ADAMTS2: variants seen among roughly 807,000 people sequenced by gnomAD.
The protein encoded by ADAMTS2 is ADAM metallopeptidase with thrombospondin type 1 motif 2.
Under a neutral mutation model 123.0 loss-of-function variants are expected in ADAMTS2, and 50 were observed. That is an observed-to-expected ratio of 0.41 (90% CI 0.32 to 0.51). The LOEUF (loss-of-function observed/expected upper bound fraction) is 0.51. Ranked by LOEUF, ADAMTS2 falls within the 20% of genes least tolerant of loss-of-function variation. ADAMTS2 has a pLI of 0.35. For synonymous variants in ADAMTS2, 678 were observed against 695.4 expected, an observed-to-expected ratio of 0.98 and a Z score of 0.39; for missense variants, 1,494 against 1,705.2, an observed-to-expected ratio of 0.88 and a Z score of 2.18.
intron 13 of ADAMTS2, 108 bp from the exon 14 acceptor site, chr5:179,133,008 C>T (rs1581143474): frequency 6.9e-7 from 1 of 1,446,516 alleles, no homozygotes; most frequent in East Asian, 2.5e-5. Context: ...ATCCTCCTGC[C>T]TTGGCCTCCC....
At chr5:179,289,077 GC>G (rs1257060768) in intron 2 of ADAMTS2, among the ~76,000 whole-genome samples, 1 of 152,126 alleles carries the variant, frequency 6.6e-6, no homozygotes, top group South Asian at 2.1e-4. Flanking sequence ...GCAGGCTGCA[GC>G]CCCCCAGCTG....
At chr5:179,223,364 A>G (rs1765175653) in intron 3 of ADAMTS2, among the ~76,000 whole-genome samples, 1 of 122,928 alleles carries the variant, frequency 8.1e-6, no homozygotes, top group Non-Finnish European at 1.8e-5. Flanking sequence ...GCACTCAGAC[A>G]CTCACAAACA....
chr5:179,197,971 G>A lies in ADAMTS2; in HGVS notation c.891+9542C>T, dbSNP rs1254897346. On this transcript the variant is annotated intron_variant, in intron 4 of 21. Transcript: ENST00000251582. This position sits in a 1 kb window ranked among gnomAD's most constrained non-coding sequence, Gnocchi z 4.2. ...TTTGTGAGCAGAGACTAGCCCAGGC[G>A]CTGGCAGAGCAAGTTTTTGAAAATG... 1.3e-5 allele frequency among the ~76,000 whole-genome samples: 2 copies of A among 152,190 alleles called. No individual in the cohort carries two copies. The highest frequency in any genetic ancestry group is 4.8e-5 in the African/African-American group (2 of 41,456).
At chr5:179,232,578 T>C (rs1204044239) in intron 3 of ADAMTS2, among the ~76,000 whole-genome samples, 7 of 152,230 alleles carry the variant, frequency 4.6e-5, no homozygotes, top group African/African-American at 7.2e-5. Flanking sequence ...AACTCTGACA[T>C]GTCAAGCAAA....
In ADAMTS2 at chr5:179,169,176, G is replaced by A. The variant is rs998743332; in HGVS notation, c.976-10297C>T. On this transcript the variant is annotated intron_variant, in intron 5 of 21. Coordinates refer to ENST00000251582, the MANE Select transcript of ADAMTS2 (RefSeq NM_014244.5). ...TTTGAGAGGTCATTAGGTCATGAGGGTGGAGTCTCCATAAATGAGATTAGC... is the reference window on the plus strand; with the variant it reads ...TTTGAGAGGTCATTAGGTCATGAGGATGGAGTCTCCATAAATGAGATTAGC... Among the ~76,000 whole-genome samples the A allele has an allele frequency of 1.2e-4, 19 of 152,306 alleles. 1 individual carries two copies. Among genetic ancestry groups the A allele is most frequent in the African/African-American group, 2.9e-4 (12 of 41,564 alleles).
chr5:179,269,113 C>T (rs35750), intron 3 of ADAMTS2, among the ~76,000 whole-genome samples: 44,305 of 151,964 alleles, frequency 0.29, 7,947 homozygotes, highest in African/African-American at 0.51. Context: ...GGCGACATGA[C>T]CCGGGGGCAG....
At chr5:179,142,162 T>C (rs985283996) in intron 10 of ADAMTS2, among the ~76,000 whole-genome samples, 1 of 152,254 alleles carries the variant, frequency 6.6e-6, no homozygotes, top group South Asian at 2.1e-4. Context: ...AGGATGTTCA[T>C]GTCTAAGGGC....
intron 10 of ADAMTS2, among the ~76,000 whole-genome samples, chr5:179,143,855 T>C (rs1763212324): frequency 6.6e-6 from 1 of 152,198 alleles, no homozygotes; most frequent in African/African-American, 2.4e-5. Flanking sequence ...GAATTTTCTT[T>C]CCTTTAACAA....
chr5:179,176,826 T>C (rs1012105578), intron 5 of ADAMTS2, among the ~76,000 whole-genome samples: 3 of 152,174 alleles, frequency 2.0e-5, no homozygotes, highest in Non-Finnish European at 4.4e-5. Context: ...CCTTCCGACG[T>C]CTTTGGCATT....
In ADAMTS2 at chr5:179,296,138, G is replaced by T. The variant is rs530555519; in HGVS notation, c.535-23074C>A. ...GGAGGATGGGGGAGGCCTGAGCCGTGGGGACAGGAGAATGACCACAGGATC... is the reference window on the plus strand; with the variant it reads ...GGAGGATGGGGGAGGCCTGAGCCGTTGGGACAGGAGAATGACCACAGGATC... On this transcript the variant is annotated intron_variant, in intron 2 of 21. Transcript: ENST00000251582. Among the ~76,000 whole-genome samples, 138 of 150,966 alleles carry T rather than the reference G, an allele frequency of 9.1e-4. 4 individuals are homozygous for T. The highest frequency in any genetic ancestry group is 9.9e-4 in the Admixed American group (15 of 15,196).
At position 179,329,125 on chromosome 5, in the gene ADAMTS2, A is replaced by T. The variant is rs1325092341; in HGVS notation, c.534+14642T>A. ...GGCGGATCACGAGGTCAGGAGATGG[A>T]GACCATCCTGGCTAACACGGTGAAA... On this transcript the variant is annotated intron_variant, in intron 2 of 21. Coordinates refer to ENST00000251582, the MANE Select transcript of ADAMTS2 (RefSeq NM_014244.5). Among the ~76,000 whole-genome samples, 5 of 152,226 alleles carry T rather than the reference A, an allele frequency of 3.3e-5. No individual in the cohort carries two copies. In the East Asian group the frequency reaches 5.8e-4, roughly 18 times the overall value.
In ADAMTS2 at chr5:179,125,110, G is replaced by C; in HGVS notation, c.2821C>G (p.Arg941Gly). The change falls in exon 19 of 22, where the codon CGC becomes GGC. Residue 941 changes from arginine to glycine, a missense_variant. Arg to Gly is a moderately radical substitution (Grantham distance 125, BLOSUM62 -2). Around this residue, in one of 6 missense-constraint regions of ADAMTS2, gnomAD observed 953 missense variants for 1,124.7 expected, o/e 0.85. Coordinates refer to ENST00000251582, the MANE Select transcript of ADAMTS2 (RefSeq NM_014244.5). ...GRTGMQVRSV[R>G]CIQPLHDNTT... ...TTGTCGTGTAGCGGCTGAATGCAGC[G>C]CACGGAGCGCACCTGCATGCCTGTC... 1.2e-6 allele frequency: 2 copies of C among 1,612,906 alleles called. No homozygotes were observed. The highest frequency in any genetic ancestry group is 1.7e-6 in the Non-Finnish European group (2 of 1,179,894).
In ADAMTS2 at chr5:179,112,676, C is replaced by CA. The variant is rs1203810164; in HGVS notation, c.*1190dup. 6.6e-6 allele frequency: 1 copy of CA among 152,460 alleles called. No individual in the cohort carries two copies. Among genetic ancestry groups the CA allele is most frequent in the African/African-American group, 2.4e-5 (1 of 41,454 alleles). The allele number at this position is 152,460 out of a possible 1,614,324, so 9.4% of individuals were successfully genotyped here. A position where few individuals can be genotyped will look rare whatever the true frequency, so the allele number is the denominator to read the frequency against. On this transcript the variant is annotated 3_prime_UTR_variant, in exon 22 of 22. Coordinates refer to ENST00000251582, the MANE Select transcript of ADAMTS2 (RefSeq NM_014244.5). ...ATTCCCAGCAAGCAAGCAAAGCCCA[C>CA]AAAGCCCAGAATCCCAGAACCCTTA...
chr5:179,176,421 G>T (rs1411793587), intron 5 of ADAMTS2, among the ~76,000 whole-genome samples: 2 of 152,148 alleles, frequency 1.3e-5, no homozygotes, highest in African/African-American at 4.8e-5. Context: ...CCTCCGCTGG[G>T]ATGGCACCAG....
At chr5:179,344,627 G>A (rs1366680387) in intron 1 of ADAMTS2, among the ~76,000 whole-genome samples, 1 of 152,232 alleles carries the variant, frequency 6.6e-6, no homozygotes, top group African/African-American at 2.4e-5. Flanking sequence ...GCCAGCCTCC[G>A]GAGCGGCGGA....
chr5:179,126,100 C>T lies in ADAMTS2; in HGVS notation c.2648G>A (p.Arg883Gln), dbSNP rs772028555. The change falls in exon 18 of 22, where the codon CGG becomes CAG. Residue 883 changes from arginine (R) to glutamine (Q), a missense_variant. By Grantham distance (43) the Arg-to-Gln change is conservative (BLOSUM62 1). Around this residue, in one of 6 missense-constraint regions of ADAMTS2, gnomAD observed 953 missense variants for 1,124.7 expected, o/e 0.85. Transcript: ENST00000251582. The part of the protein sequence containing the change: ...GSQFTKYGCR[R>Q]RLDHKMVHRG... ...GTGTACCATCTTGTGGTCCAGCCTC[C>T]GGCGGCAGCCATACTTGGTGAACTG... 1.1e-5 allele frequency: 18 copies of T among 1,613,062 alleles called. No homozygotes were observed. The highest frequency in any genetic ancestry group is 4.0e-5 in the African/African-American group (3 of 75,064).
At chr5:179,282,355 T>G (rs368780301) in intron 2 of ADAMTS2, among the ~76,000 whole-genome samples, 5 of 152,272 alleles carry the variant, frequency 3.3e-5, no homozygotes, top group Admixed American at 6.5e-5. Context: ...TTTTTCCATA[T>G]GTGGATATCC....
Position 179,137,942 on chromosome 5 carries a change from G to C in ADAMTS2, c.1778C>G (p.Pro593Arg), listed in dbSNP as rs373020640. ...CGAGCAGGTGCGGCCCCCGTTGGCC[G>C]GGCTGGAGGAGAAAGCAAAGGCCTT... ...FRTRQCDNPH[P>R]ANGGRTCSGL... The change falls in exon 12 of 22, where the codon CCG (proline) becomes CGG (arginine). Residue 593 changes from proline to arginine, a missense_variant and splice_region_variant. This residue lies in a region of ADAMTS2 where 953 missense variants were observed against 1,124.7 expected (regional missense o/e 0.85). Transcript: ENST00000251582. 6.5e-7 allele frequency: 1 copy of C among 1,545,366 alleles called. No individual in the cohort carries two copies. Among genetic ancestry groups the C allele is most frequent in the South Asian group, 1.2e-5 (1 of 84,100 alleles).
rs1170493843 is a variant in ADAMTS2, at chr5:179,295,177, GAC to G, written c.535-22115_535-22114del. ...TAGAAAGGAAACCTGGCTTTGAAAA[GAC>G]ACAGAGAAGAACCAGGTCCCTGCGT... On this transcript the variant is annotated intron_variant, in intron 2 of 21. Coordinates refer to ENST00000251582, the MANE Select transcript of ADAMTS2 (RefSeq NM_014244.5). Among the ~76,000 whole-genome samples the G allele has an allele frequency of 5.9e-5, 9 of 152,354 alleles. No individual in the cohort carries two copies. In the East Asian group the frequency reaches 1.7e-3, roughly 29 times the overall value.
Sources: allele counts gnomAD v4.1 joint callset (sites outside exome capture counted in the v4.1 genomes callset), GRCh38; gene constraint gnomAD v4.1.1; regional missense constraint gnomAD v4.1.1; non-coding constraint Gnocchi (gnomAD v3.1); transcripts MANE v1.5; gene names NCBI Gene and HGNC (gene_info 2026-07-23, HGNC 2026-07-21).